Variants in COL26A1 observed in about 807,000 individuals in gnomAD.
COL26A1 encodes collagen type XXVI alpha 1 chain.
In COL26A1, 41 loss-of-function variants were observed where a neutral mutation model predicts 59.3. That is an observed-to-expected ratio of 0.69 (90% CI 0.54 to 0.90). COL26A1 has a LOEUF of 0.90. COL26A1 is among the 40% of genes least tolerant of loss of function. COL26A1 has a pLI of 0.00. For synonymous variants in COL26A1, 266 were observed against 256.0 expected, an observed-to-expected ratio of 1.04 and a Z score of -0.37; for missense variants, 612 against 602.3, an observed-to-expected ratio of 1.02 and a Z score of -0.17.
At chr7:101,492,351 C>T (rs1794479014) in intron 3 of COL26A1, among the ~76,000 whole-genome samples, 1 of 152,010 alleles carries the variant, frequency 6.6e-6, no homozygotes, top group African/African-American at 2.4e-5. Context: ...TGGCCATCAA[C>T]TACTGTCAAA....
At chr7:101,534,373 C>T (rs1015522115) in intron 4 of COL26A1, among the ~76,000 whole-genome samples, 38 of 152,272 alleles carry the variant, frequency 2.5e-4, no homozygotes, top group African/African-American at 8.9e-4. Context: ...TCAGCCATGC[C>T]TCCACCCAGA....
intron 2 of COL26A1, among the ~76,000 whole-genome samples, chr7:101,439,258 T>C (rs1183153838): frequency 6.6e-6 from 1 of 151,956 alleles, no homozygotes; most frequent in East Asian, 1.9e-4. Flanking sequence ...ATGTACCTCC[T>C]GGGTGCTGGG....
intron 3 of COL26A1, among the ~76,000 whole-genome samples, chr7:101,474,575 G>A (rs1793988754): frequency 6.6e-6 from 1 of 152,104 alleles, no homozygotes. Context: ...CTGGGTGACA[G>A]AGCCAGACCC....
intron 1 of COL26A1, among the ~76,000 whole-genome samples, chr7:101,375,477 C>T (rs367880574): frequency 7.9e-5 from 12 of 152,042 alleles, no homozygotes; most frequent in African/African-American, 1.9e-4. Context: ...ATGAGGATCA[C>T]TTGAGACCAG....
At chr7:101,417,602 G>GA (rs1792402435) in intron 1 of COL26A1, among the ~76,000 whole-genome samples, 7 of 111,814 alleles carry the variant, frequency 6.3e-5, no homozygotes, top group Admixed American at 6.0e-4. Context: ...ATAGATACAG[G>GA]TATATCTATA....
chr7:101,429,699 C>A (rs1460789483), intron 2 of COL26A1, among the ~76,000 whole-genome samples: 1 of 145,068 alleles, frequency 6.9e-6, no homozygotes, highest in African/African-American at 2.6e-5. Context: ...CTCAAGTGAT[C>A]CTCCTGCCTC....
At chr7:101,439,726 G>A (rs1276888923) in intron 2 of COL26A1, among the ~76,000 whole-genome samples, 1 of 152,094 alleles carries the variant, frequency 6.6e-6, no homozygotes, top group African/African-American at 2.4e-5. Context: ...GATGGATGGG[G>A]CTGCTCCACC....
At chr7:101,437,337 CAG>C (rs1792939444) in intron 2 of COL26A1, among the ~76,000 whole-genome samples, 1 of 151,416 alleles carries the variant, frequency 6.6e-6, no homozygotes, top group African/African-American at 2.4e-5. Flanking sequence ...TGGGCAGAGA[CAG>C]AGCACATGCA....
intron 11 of COL26A1, among the ~76,000 whole-genome samples, chr7:101,555,012 A>T (rs1220206053): frequency 6.6e-6 from 1 of 152,152 alleles, no homozygotes; most frequent in Non-Finnish European, 1.5e-5. Context: ...TGAACATAAG[A>T]CAGATCTGTC....
intron 3 of COL26A1, among the ~76,000 whole-genome samples, chr7:101,520,306 C>T (rs1010223454): frequency 1.1e-4 from 17 of 152,270 alleles, no homozygotes; most frequent in East Asian, 9.7e-4. Context: ...CAGCTAGAGA[C>T]GGTGCAGAAC....
At chr7:101,418,421 C>T (rs1273568302) in intron 1 of COL26A1, among the ~76,000 whole-genome samples, 1 of 152,092 alleles carries the variant, frequency 6.6e-6, no homozygotes, top group Non-Finnish European at 1.5e-5. Context: ...AAATGTCTGG[C>T]CCATTGCTTC....
intron 3 of COL26A1, among the ~76,000 whole-genome samples, chr7:101,473,666 C>CA (rs762017960): frequency 1.4e-5 from 2 of 142,184 alleles, no homozygotes; most frequent in African/African-American, 5.3e-5. Context: ...ACACACACAA[C>CA]AAAAAACAAA....
intron 3 of COL26A1, among the ~76,000 whole-genome samples, chr7:101,493,319 C>T (rs1794508472): frequency 6.6e-6 from 1 of 151,942 alleles, no homozygotes; most frequent in Non-Finnish European, 1.5e-5. Flanking sequence ...GTACTCCACC[C>T]TTACCCCTTC....
chr7:101,378,784 C>T (rs770673853), intron 1 of COL26A1, among the ~76,000 whole-genome samples: 8 of 152,064 alleles, frequency 5.3e-5, no homozygotes, highest in South Asian at 2.1e-4. Context: ...AAGGACTCTG[C>T]GGCATTTGTC....
chr7:101,474,804 C>T (rs1345309330), intron 3 of COL26A1, among the ~76,000 whole-genome samples: 2 of 152,198 alleles, frequency 1.3e-5, no homozygotes. Context: ...AAACTTCAGA[C>T]ATGAAGACCC....
At chr7:101,527,331 A>AT (rs917800996) in intron 3 of COL26A1, among the ~76,000 whole-genome samples, 2 of 146,840 alleles carry the variant, frequency 1.4e-5, no homozygotes, top group African/African-American at 5.1e-5. Flanking sequence ...TTTTCTTTTT[A>AT]TTTTTTTCTC....
intron 4 of COL26A1, among the ~76,000 whole-genome samples, chr7:101,535,122 AGGCCCCTGGGC>A (rs1355836477): frequency 3.9e-5 from 6 of 152,248 alleles, no homozygotes; most frequent in Non-Finnish European, 7.4e-5. Context: ...CCAGCAGCCC[AGGCCCCTGGGC>A]ACAGGCCTGG....
At chr7:101,463,887 T>C (rs1381229949) in intron 3 of COL26A1, among the ~76,000 whole-genome samples, 27 of 99,440 alleles carry the variant, frequency 2.7e-4, no homozygotes, top group African/African-American at 2.6e-4. Flanking sequence ...CTTTCTTTCT[T>C]TCTTTCTTTC....
intron 3 of COL26A1, among the ~76,000 whole-genome samples, chr7:101,449,481 A>T (rs1028547166): frequency 2.0e-5 from 3 of 152,316 alleles, no homozygotes; most frequent in African/African-American, 7.2e-5. Context: ...TAAAATCAGC[A>T]ATGTTAGCCG....
Sources: allele counts gnomAD v4.1 joint callset (sites outside exome capture counted in the v4.1 genomes callset), GRCh38; gene constraint gnomAD v4.1.1; transcripts MANE v1.5; gene names NCBI Gene and HGNC (gene_info 2026-07-23, HGNC 2026-07-21).